Variants in MYT1L observed in about 807,000 individuals in gnomAD.
MYT1L encodes myelin transcription factor 1 like.
A neutral mutation model predicts 126.7 loss-of-function variants in MYT1L; 12 were observed. The ratio of observed to expected loss-of-function variants is 0.09; its 90% CI spans 0.06 to 0.15. The LOEUF (loss-of-function observed/expected upper bound fraction) is 0.15. Among genes scored for constraint, MYT1L ranks in the 10% least tolerant of loss-of-function variants. The pLI, the probability that MYT1L is intolerant of heterozygous loss-of-function variation, is 1.00. For missense variants in MYT1L, 979 were observed against 1,585.2 expected (o/e 0.62, Z 6.49); for synonymous variants, 541 against 604.2 (o/e 0.90, Z 1.53).
In MYT1L at chr2:1,801,641, C is replaced by T; in HGVS notation, c.3276+55G>A. 9.4e-7 allele frequency: 1 copy of T among 1,063,784 alleles called. No individual in the cohort carries two copies. The highest frequency in any genetic ancestry group is 1.4e-6 in the Non-Finnish European group (1 of 701,278). 65.9% of individuals were successfully genotyped at this position (1,063,784 alleles called of 1,614,324 possible). A position where few individuals can be genotyped will look rare whatever the true frequency, so the allele number is the denominator to read the frequency against. On this transcript the variant is annotated intron_variant, in intron 23 of 24. Coordinates refer to ENST00000647738, the MANE Select transcript of MYT1L (RefSeq NM_001303052.2). This position sits in a 1 kb window ranked among gnomAD's most constrained non-coding sequence, Gnocchi z 4.2. ...TAAAAGCTGATTTCATGCCATGTAT[C>T]TCTGGTATAATGGCGCGTGTTAGAG...
Position 2,037,443 on chromosome 2 carries a change from AT to A in MYT1L, c.-158+16534del, listed in dbSNP as rs60232195. On this transcript the variant is annotated intron_variant, in intron 4 of 24. Coordinates refer to ENST00000647738, the MANE Select transcript of MYT1L (RefSeq NM_001303052.2). ...GAAAACAAGTAATCAGATTCAGTTG[AT>A]TTTTTTTTTTTTTTTAAACTGTAGC... is the stretch of plus-strand genomic sequence containing the variant. 9.7e-3 allele frequency among the ~76,000 whole-genome samples: 1,378 copies of A among 142,154 alleles called. 3 individuals carry two copies. Among genetic ancestry groups the A allele is most frequent in the African/African-American group, 0.017 (643 of 38,804 alleles). 93.3% of individuals were successfully genotyped at this position (142,154 alleles called of 152,430 possible). A position where few individuals can be genotyped will look rare whatever the true frequency, so the allele number is the denominator to read the frequency against.
chr2:1,945,494 C>A (rs1438457583), intron 8 of MYT1L, among the ~76,000 whole-genome samples: 2 of 151,874 alleles, frequency 1.3e-5, no homozygotes, highest in African/African-American at 4.8e-5. Flanking sequence ...TGGGAGAGAG[C>A]GTGAGAGCAG....
chr2:2,120,025 A>G (rs947858104), intron 3 of MYT1L, among the ~76,000 whole-genome samples: 3 of 152,206 alleles, frequency 2.0e-5, no homozygotes, highest in Admixed American at 2.0e-4. Context: ...CAAATGAGGG[A>G]AATGGAGATC....
rs183081653 is a variant in MYT1L, at chr2:2,149,605, G to A, written c.-304+23267C>T. 6.3e-3 allele frequency among the ~76,000 whole-genome samples: 961 copies of A among 152,304 alleles called. 8 individuals carry two copies. The highest frequency in any genetic ancestry group is 0.02 in the Middle Eastern group (6 of 294). On this transcript the variant is annotated intron_variant, in intron 3 of 24. Transcript: ENST00000647738. ...AAGGAGGAGAATTCAGTCATGTCTG[G>A]TTCAGTGGCCACACTACCTGTCAGG...
chr2:1,959,742 G>T (rs1487289868), intron 8 of MYT1L, among the ~76,000 whole-genome samples: 1 of 152,174 alleles, frequency 6.6e-6, no homozygotes, highest in Non-Finnish European at 1.5e-5. Context: ...CTCAGATAGA[G>T]ATGCTGCACA....
intron 2 of MYT1L, among the ~76,000 whole-genome samples, chr2:2,233,228 G>T (rs1294681640): frequency 6.6e-6 from 1 of 152,230 alleles, no homozygotes; most frequent in Non-Finnish European, 1.5e-5. Flanking sequence ...TGATCAGCGA[G>T]TGACAGGGCC....
At chr2:1,831,774 T>C (rs961817578) in intron 21 of MYT1L, among the ~76,000 whole-genome samples, 11 of 152,158 alleles carry the variant, frequency 7.2e-5, no homozygotes, top group Admixed American at 5.2e-4. Flanking sequence ...CAACTCTGTC[T>C]TCATCACGGC....
intron 5 of MYT1L, among the ~76,000 whole-genome samples, chr2:1,996,073 G>C (rs1403028751): frequency 6.6e-6 from 1 of 152,250 alleles, no homozygotes; most frequent in Non-Finnish European, 1.5e-5. Context: ...GGGCCGGAGA[G>C]GCTGAGGTGG....
chr2:2,001,460 T>G (rs939205054), intron 4 of MYT1L, among the ~76,000 whole-genome samples: 2 of 152,242 alleles, frequency 1.3e-5, no homozygotes, highest in Non-Finnish European at 2.9e-5. Context: ...GTGTGGTTAA[T>G]ATCTCACACA....
chr2:1,888,544 A>G (rs1454153515), intron 16 of MYT1L, among the ~76,000 whole-genome samples: 1 of 152,214 alleles, frequency 6.6e-6, no homozygotes, highest in African/African-American at 2.4e-5. Flanking sequence ...TGTACTAAAA[A>G]CACATTTCAT....
chr2:2,185,713 C>G (rs1220595243), intron 2 of MYT1L, among the ~76,000 whole-genome samples: 1 of 136,140 alleles, frequency 7.3e-6, no homozygotes, highest in East Asian at 2.3e-4. Context: ...CTTCCCGAGT[C>G]CCGCGTTCCT....
intron 18 of MYT1L, among the ~76,000 whole-genome samples, chr2:1,875,047 T>C (rs1248265552): frequency 6.6e-6 from 1 of 152,166 alleles, no homozygotes; most frequent in Non-Finnish European, 1.5e-5. Flanking sequence ...ATTCATTAGC[T>C]TTTTTACTTA....
chr2:1,982,019 T>A (rs2060649222), intron 5 of MYT1L, among the ~76,000 whole-genome samples: 1 of 152,200 alleles, frequency 6.6e-6, no homozygotes, highest in Non-Finnish European at 1.5e-5. Context: ...GATATGAAAC[T>A]CTGGGGCCAC....
chr2:1,850,034 G>T (rs1167640218), intron 19 of MYT1L, among the ~76,000 whole-genome samples: 2 of 34,694 alleles, frequency 5.8e-5, no homozygotes, highest in East Asian at 2.1e-3. Flanking sequence ...GGGGTGGTGA[G>T]GGGGGGGCCA....
chr2:1,930,676 T>G lies in MYT1L; in HGVS notation c.506-7413A>C, dbSNP rs142686229. ...TCTGAATTTTGCTTTCAGATACTGA[T>G]AAAATACTCAAAGTTGCTCTTAAGA... On this transcript the variant is annotated intron_variant, in intron 9 of 24. Coordinates refer to ENST00000647738, the MANE Select transcript of MYT1L (RefSeq NM_001303052.2). Among the ~76,000 whole-genome samples the G allele has an allele frequency of 5.3e-3, 809 of 152,342 alleles. 10 individuals carry two copies. The highest frequency in any genetic ancestry group is 0.018 in the African/African-American group (755 of 41,590).
intron 18 of MYT1L, among the ~76,000 whole-genome samples, chr2:1,859,322 T>C (rs1353247594): frequency 6.6e-6 from 1 of 152,244 alleles, no homozygotes; most frequent in Admixed American, 6.5e-5. Flanking sequence ...AGCACTTTTC[T>C]TTTTAAATTA....
chr2:2,288,695 A>G (rs2095557238), intron 1 of MYT1L, among the ~76,000 whole-genome samples: 1 of 152,212 alleles, frequency 6.6e-6, no homozygotes, highest in South Asian at 2.1e-4. Flanking sequence ...TCACATATGT[A>G]ATTCTTCCAC....
In MYT1L at chr2:1,979,835, C is replaced by A; in HGVS notation, c.1-58G>T. The A allele has an allele frequency of 6.3e-7, 1 of 1,581,976 alleles. No homozygotes were observed. The highest frequency in any genetic ancestry group is 8.7e-7 in the Non-Finnish European group (1 of 1,153,004). On this transcript the variant is annotated intron_variant, in intron 5 of 24. Coordinates refer to ENST00000647738, the MANE Select transcript of MYT1L (RefSeq NM_001303052.2). This position sits in a 1 kb window ranked among gnomAD's most constrained non-coding sequence, Gnocchi z 4.0. ...ATCCTGCCTGTGCAGGCCAGCCCTG[C>A]AGGGGCGGCTCACTCTCCCTGGCAT...
At chr2:2,098,166 G>T (rs893567951) in intron 3 of MYT1L, among the ~76,000 whole-genome samples, 1 of 152,114 alleles carries the variant, frequency 6.6e-6, no homozygotes, top group African/African-American at 2.4e-5. Context: ...CCTTTGTAGT[G>T]ATGCAAACAC....
Sources: gnomAD v4.1 joint callset for allele counts (sites outside exome capture counted in the v4.1 genomes callset) on GRCh38, gnomAD v4.1.1 for gene constraint, Gnocchi (gnomAD v3.1) non-coding constraint, MANE v1.5 for transcripts, NCBI Gene and HGNC (gene_info 2026-07-23, HGNC 2026-07-21) for gene names.